ACVR2B: variants seen among roughly 807,000 people sequenced by gnomAD.
ACVR2B encodes the protein activin receptor type-2B.
A neutral mutation model predicts 65.1 loss-of-function variants in ACVR2B; 18 were observed. The ratio of observed to expected loss-of-function variants is 0.28; its 90% CI spans 0.19 to 0.41. The LOEUF is 0.41. ACVR2B is among the 10% of genes least tolerant of loss of function. ACVR2B has a pLI of 1.00. For synonymous variants in ACVR2B, 298 were observed against 277.7 expected, an observed-to-expected ratio of 1.07 and a Z score of -0.73; for missense variants, 482 against 682.7, an observed-to-expected ratio of 0.71 and a Z score of 3.28.
chr3:38,467,452 A>C (rs1009198055), intron 1 of ACVR2B, among the ~76,000 whole-genome samples: 1 of 152,068 alleles, frequency 6.6e-6, no homozygotes, highest in Non-Finnish European at 1.5e-5. Flanking sequence ...TCAAAAAAAA[A>C]AAAAAGGCAG....
intron 1 of ACVR2B, among the ~76,000 whole-genome samples, chr3:38,465,923 C>G (rs535590415): frequency 1.6e-4 from 25 of 152,268 alleles, no homozygotes; most frequent in African/African-American, 5.8e-4. Context: ...AGAAAAAAGG[C>G]ATTACTATCA....
rs557468564 is a variant in ACVR2B at position 38,459,436 on chromosome 3, C to T, written c.52+5062C>T. 35 of 228,950 alleles carry T rather than the reference C, an allele frequency of 1.5e-4. No homozygotes were observed. The South Asian group carries it at 2.4e-3, about 16-fold the overall frequency. The allele number at this position is 228,950 out of a possible 1,614,324, so 14.2% of individuals were successfully genotyped here. ...GCACTCAGCCTCTTCCTCCCGTACACGCAGAAATGCCAGGAAGTGCCTGTT... is the reference window on the plus strand; with the variant it reads ...GCACTCAGCCTCTTCCTCCCGTACATGCAGAAATGCCAGGAAGTGCCTGTT... On this transcript the variant is annotated intron_variant, in intron 1 of 10. Transcript: ENST00000352511.
intron 1 of ACVR2B, among the ~76,000 whole-genome samples, chr3:38,462,218 C>CAAATAAAT (rs530696973): frequency 6.6e-6 from 1 of 151,776 alleles, no homozygotes; most frequent in Non-Finnish European, 1.5e-5. Flanking sequence ...AATAAACAAA[C>CAAATAAAT]AAATAAATAA....
At chr3:38,466,533 T>G (rs139819207) in intron 1 of ACVR2B, among the ~76,000 whole-genome samples, 3,792 of 151,540 alleles carry the variant, frequency 0.025, 151 homozygotes, top group East Asian at 0.16. Flanking sequence ...AGATGGAGTC[T>G]TGCTCTATCA....
At chr3:38,460,989 G>C (rs1401387132) in intron 1 of ACVR2B, among the ~76,000 whole-genome samples, 1 of 152,232 alleles carries the variant, frequency 6.6e-6, no homozygotes, top group African/African-American at 2.4e-5. Flanking sequence ...GATGAGACCA[G>C]CTGTTATCCG....
chr3:38,475,241 C>G (rs1227199793), intron 1 of ACVR2B: 2 of 152,494 alleles, frequency 1.3e-5, no homozygotes, highest in African/African-American at 4.8e-5. Context: ...GGTTCTCCCT[C>G]TAAACCTTAA....
chr3:38,474,021 A>T (rs1375581123), intron 1 of ACVR2B: 4 of 152,332 alleles, frequency 2.6e-5, no homozygotes, highest in Non-Finnish European at 4.4e-5. Context: ...AGCTGGGATT[A>T]CAGGTGTCCG....
chr3:38,488,991 T>C lies in ACVR2B; in HGVS notation c.*5659T>C, dbSNP rs1348884024. ...TATGCTGGACATCTACAGAAGAGTA[T>C]TACATTCACTTGCAAAGTTTACATT... is the stretch of plus-strand genomic sequence containing the variant. On this transcript the variant is annotated 3_prime_UTR_variant, in exon 11 of 11. Transcript: ENST00000352511. The C allele has an allele frequency of 6.6e-6, 1 of 152,232 alleles. No homozygotes were observed. Among genetic ancestry groups the C allele is most frequent in the Admixed American group, 6.5e-5 (1 of 15,286 alleles). 9.4% of individuals were successfully genotyped at this position (152,232 alleles called of 1,614,324 possible). A position where few individuals can be genotyped will look rare whatever the true frequency, so the allele number is the denominator to read the frequency against.
At chr3:38,467,436 T>A (rs1709749603) in intron 1 of ACVR2B, among the ~76,000 whole-genome samples, 1 of 147,288 alleles carries the variant, frequency 6.8e-6, no homozygotes, top group Admixed American at 6.8e-5. Flanking sequence ...AGAGCGAAAC[T>A]CTGTCTCAAA....
chr3:38,483,431 A>T lies in ACVR2B; in HGVS notation c.*99A>T, dbSNP rs1710056110. ...GAAATCCCATAAAACCAACAAACAC[A>T]TAAAATGCAGCTGCTATTTTACCTT... On this transcript the variant is annotated 3_prime_UTR_variant, in exon 11 of 11. Coordinates refer to ENST00000352511, the MANE Select transcript of ACVR2B (RefSeq NM_001106.4). This position sits in a 1 kb window ranked among gnomAD's most constrained non-coding sequence, Gnocchi z 4.8. The T allele has an allele frequency of 3.0e-5, 32 of 1,068,924 alleles. No homozygotes were observed. Among genetic ancestry groups the T allele is most frequent in the Non-Finnish European group, 4.4e-5 (31 of 703,818 alleles). The allele number at this position is 1,068,924 out of a possible 1,614,324, so 66.2% of individuals were successfully genotyped here.
chr3:38,456,138 A>G (rs1199290708), intron 1 of ACVR2B, among the ~76,000 whole-genome samples: 1 of 152,174 alleles, frequency 6.6e-6, no homozygotes, highest in Non-Finnish European at 1.5e-5. Context: ...TGAGCAGTGT[A>G]CCCTGCCAGG....
rs770757951 is a variant in ACVR2B, at chr3:38,481,792, C to T, written c.1074+327C>T. ...CAAAGAAATGTACTAAGGATCCAAA[C>T]AAAGAACCTGGAAAAAGTAACTAAA... On this transcript the variant is annotated intron_variant, in intron 8 of 10. Coordinates refer to ENST00000352511, the MANE Select transcript of ACVR2B (RefSeq NM_001106.4). The surrounding 1 kb of genome is among the most constrained non-coding windows in gnomAD (Gnocchi z 4.7). 2.6e-5 allele frequency among the ~76,000 whole-genome samples: 4 copies of T among 152,130 alleles called. No individual in the cohort carries two copies. The highest frequency in any genetic ancestry group is 5.9e-5 in the Non-Finnish European group (4 of 68,004).
chr3:38,473,482 CA>C (rs1709854374), intron 1 of ACVR2B: 1 of 152,502 alleles, frequency 6.6e-6, no homozygotes, highest in Admixed American at 6.5e-5. Flanking sequence ...GGAGTATTGC[CA>C]GAGGCTATAA....
rs1709503830 is a variant in ACVR2B, at chr3:38,454,358, G to C, written c.36G>C (p.Trp12Cys). The change falls in exon 1 of 11, where the codon TGG becomes TGC. Residue 12 changes from tryptophan to cysteine, a missense_variant. Around this residue, in one of 5 missense-constraint regions of ACVR2B, gnomAD observed 41 missense variants for 38.2 expected, o/e 1.07. Transcript: ENST00000352511. ...CCTGGGTGGCCCTCGCCCTCCTCTG[G>C]GGATCGCTGTGCGCCGGTAAGAACT... ...TAPWVALALLWGSLCAGSGRG... is the reference protein window; with the variant it reads ...TAPWVALALLCGSLCAGSGRG... 1 of 1,286,620 alleles carries C rather than the reference G, an allele frequency of 7.8e-7. No individual in the cohort carries two copies. The highest frequency in any genetic ancestry group is 3.8e-5 in the Admixed American group (1 of 26,542). 79.7% of individuals were successfully genotyped at this position (1,286,620 alleles called of 1,614,324 possible).
Position 38,454,006 on chromosome 3 carries a change from G to C in ACVR2B, c.-317G>C, listed in dbSNP as rs1316824526. 5 of 108,954 alleles carry C rather than the reference G, an allele frequency of 4.6e-5. No individual in the cohort carries two copies. The highest frequency in any genetic ancestry group is 9.5e-5 in the Non-Finnish European group (5 of 52,792). The allele number at this position is 108,954 out of a possible 1,614,324, so 6.7% of individuals were successfully genotyped here. Reference sequence around the variant, plus strand: ...GACTCGGCCCCTGCGCCCGGGGCCCGGGCCCAGCCCCGCCGCGCTATGCCT... The same window carrying C: ...GACTCGGCCCCTGCGCCCGGGGCCCCGGCCCAGCCCCGCCGCGCTATGCCT... On this transcript the variant is annotated 5_prime_UTR_variant, in exon 1 of 11. Transcript: ENST00000352511.
At chr3:38,473,544 G>T (rs1447736341) in intron 1 of ACVR2B, 1 of 152,482 alleles carries the variant, frequency 6.6e-6, no homozygotes. Context: ...AGGAATGGGG[G>T]AGGCCCCTGG....
intron 1 of ACVR2B, chr3:38,476,556 C>G (rs566430540): frequency 6.5e-6 from 1 of 153,566 alleles, no homozygotes; most frequent in East Asian, 1.9e-4. Flanking sequence ...AGGACACTTA[C>G]AGGGTCCTTT....
chr3:38,460,931 T>C (rs1485040377), intron 1 of ACVR2B, among the ~76,000 whole-genome samples: 1 of 152,214 alleles, frequency 6.6e-6, no homozygotes, highest in Non-Finnish European at 1.5e-5. Context: ...GGCTGGAGAA[T>C]GGAGGAGGCT....
In ACVR2B at chr3:38,470,195, A is replaced by C. The variant is rs558662018; in HGVS notation, c.53-7092A>C. Among the ~76,000 whole-genome samples, 284 of 152,358 alleles carry C rather than the reference A, an allele frequency of 1.9e-3. 2 individuals carry two copies. The highest frequency in any genetic ancestry group is 6.6e-3 in the African/African-American group (276 of 41,590). ...ATATTCAAGTTGATAATAGCCAAGA[A>C]TTTGTCAGAATTGACAAAAAACACA... On this transcript the variant is annotated intron_variant, in intron 1 of 10. Coordinates refer to ENST00000352511, the MANE Select transcript of ACVR2B (RefSeq NM_001106.4).
Sources: allele counts gnomAD v4.1 joint callset (sites outside exome capture counted in the v4.1 genomes callset), GRCh38; gene constraint gnomAD v4.1.1; regional missense constraint gnomAD v4.1.1; non-coding constraint Gnocchi (gnomAD v3.1); transcripts MANE v1.5; gene names NCBI Gene and HGNC (gene_info 2026-07-23, HGNC 2026-07-21).